Variants in BRDT observed in about 807,000 individuals in gnomAD.
The protein encoded by BRDT is bromodomain testis-specific protein.
In BRDT, 77 loss-of-function variants were observed where a neutral mutation model predicts 113.9. The ratio of observed to expected loss-of-function variants is 0.68; its 90% CI spans 0.56 to 0.82. The LOEUF is 0.82. BRDT is among the 40% of genes least tolerant of loss of function. BRDT has a pLI of 0.00. For synonymous variants in BRDT, 358 were observed against 366.5 expected, an observed-to-expected ratio of 0.98 and a Z score of 0.26; for missense variants, 1,027 against 1,105.4, an observed-to-expected ratio of 0.93 and a Z score of 1.01.
rs780337264 is a variant in BRDT at position 91,979,679 on chromosome 1, T to C, written c.1209T>C (p.Asn403=). 7.4e-5 allele frequency: 119 copies of C among 1,614,074 alleles called. No individual in the cohort carries two copies. The Admixed American group carries it at 1.8e-3, about 24-fold the overall frequency. ...AAACCACTGGTAGAGAGAACACTAATGAAGCCTCCTCTGAAGGGAACTCTT... is the reference window on the plus strand; with the variant it reads ...AAACCACTGGTAGAGAGAACACTAACGAAGCCTCCTCTGAAGGGAACTCTT... ...ITETTGRENT[N]EASSEGNSSD... Residue 403 remains asparagine (N), a synonymous_variant, in exon 8 of 19, where the codon AAT becomes AAC. Transcript: ENST00000399546.
intron 15 of BRDT, among the ~76,000 whole-genome samples, chr1:91,994,724 C>T (rs896514505): frequency 1.3e-5 from 2 of 151,128 alleles, no homozygotes; most frequent in East Asian, 1.9e-4. Context: ...AAAAATTAGC[C>T]GGGCGCAGTG....
chr1:91,955,733 TC>T (rs1170151252), intron 1 of BRDT, among the ~76,000 whole-genome samples: 4 of 152,222 alleles, frequency 2.6e-5, no homozygotes, highest in Non-Finnish European at 5.9e-5. Flanking sequence ...AAATTTTTAG[TC>T]ATATATTGCT....
At chr1:91,979,436 T>C (rs1458318274) in intron 7 of BRDT, 133 bp from the exon 8 acceptor site, 4 of 880,592 alleles carry the variant, frequency 4.5e-6, no homozygotes, top group Non-Finnish European at 6.9e-6. Context: ...AATACGTTTC[T>C]TCTGATATAT....
At chr1:92,007,962 G>T (rs774374920) in intron 18 of BRDT, among the ~76,000 whole-genome samples, 7 of 151,796 alleles carry the variant, frequency 4.6e-5, no homozygotes, top group Non-Finnish European at 1.0e-4. Context: ...TTGTCGCCCA[G>T]CCTGGAATGC....
intron 2 of BRDT, among the ~76,000 whole-genome samples, chr1:91,963,788 CTTT>C (rs57708341): frequency 0.013 from 1,542 of 119,512 alleles, 13 homozygotes; most frequent in African/African-American, 0.022. Context: ...TCTTTATTGG[CTTT>C]TTTTTTTTTT....
intron 18 of BRDT, among the ~76,000 whole-genome samples, chr1:92,010,981 T>C (rs560281060): frequency 3.6e-4 from 54 of 151,424 alleles, no homozygotes; most frequent in Middle Eastern, 3.4e-3. Context: ...TTTTTTTTTT[T>C]CCCAGCAATC....
At chr1:91,972,194 A>G (rs996512) in intron 4 of BRDT, among the ~76,000 whole-genome samples, 148,953 of 152,220 alleles carry the variant, frequency 0.98, 72,943 homozygotes, top group East Asian at 1. Context: ...TGCCTTAGGA[A>G]ACTACTGTGT....
intron 13 of BRDT, 33 bp downstream of exon 13, chr1:91,991,278 A>T (rs1216890720): frequency 7.5e-7 from 1 of 1,324,880 alleles, no homozygotes; most frequent in Non-Finnish European, 1.1e-6. Flanking sequence ...TCTGAATTTT[A>T]AAAGTATGTA....
chr1:91,959,220 G>A (rs1334943342), intron 1 of BRDT, among the ~76,000 whole-genome samples: 1 of 152,072 alleles, frequency 6.6e-6, no homozygotes, highest in South Asian at 2.1e-4. Context: ...AATACTATAT[G>A]TAAAGTTCAA....
intron 16 of BRDT, 27 bp from the exon 17 acceptor site, chr1:92,004,387 A>AT (rs1388675965): frequency 6.4e-7 from 1 of 1,558,572 alleles, no homozygotes. Flanking sequence ...ATCTGTAGAC[A>AT]TAGACTGAAC....
At chr1:92,001,394 A>T (rs1686823364) in intron 15 of BRDT, among the ~76,000 whole-genome samples, 2 of 152,120 alleles carry the variant, frequency 1.3e-5, no homozygotes, top group African/African-American at 4.8e-5. Flanking sequence ...TCCAAAACTC[A>T]TGTTGAAATT....
Position 91,977,248 on chromosome 1 carries a change from A to G in BRDT, c.824A>G (p.His275Arg). ...GTTAAAGTAACTGAACAATTAAGGCACTGTAGTGAGATTCTTAAAGAAATG... is the reference window on the plus strand; with the variant it reads ...GTTAAAGTAACTGAACAATTAAGGCGCTGTAGTGAGATTCTTAAAGAAATG... ...KTVKVTEQLR[H>R]CSEILKEMLA... The change falls in exon 6 of 19, where the codon CAC (histidine) becomes CGC (arginine). Residue 275 changes from histidine to arginine, a missense_variant. His to Arg is a conservative substitution (Grantham distance 29). Coordinates refer to ENST00000399546, the MANE Select transcript of BRDT (RefSeq NM_207189.4). 1 of 1,614,094 alleles carries G rather than the reference A, an allele frequency of 6.2e-7. No homozygotes were observed. Among genetic ancestry groups the G allele is most frequent in the Non-Finnish European group, 8.5e-7 (1 of 1,179,986 alleles).
intron 4 of BRDT, among the ~76,000 whole-genome samples, chr1:91,972,872 T>C (rs928985506): frequency 6.6e-6 from 1 of 152,208 alleles, no homozygotes; most frequent in African/African-American, 2.4e-5. Flanking sequence ...CATTCAAATT[T>C]ACTTAGTTCC....
chr1:92,008,375 A>G (rs562999150), intron 18 of BRDT, among the ~76,000 whole-genome samples: 4 of 151,582 alleles, frequency 2.6e-5, no homozygotes, highest in Non-Finnish European at 4.4e-5. Context: ...TTTTCCATTC[A>G]TAGACTTTTA....
rs747865586 is a variant in BRDT at position 91,977,070 on chromosome 1, G to T, written c.646G>T (p.Asp216Tyr). 1.9e-6 allele frequency: 3 copies of T among 1,608,588 alleles called. No homozygotes were observed. The part of the protein sequence containing the change: ...QVTKGVKRKA[D>Y]TTTPATSAVK... ...TACAAAAGGTGTGAAGAGGAAAGCA[G>T]ATACAACAACTCCTGCAACTTCAGC... Residue 216 changes from aspartate to tyrosine, a missense_variant, in exon 6 of 19, where the codon GAT (aspartate) becomes TAT (tyrosine). Coordinates refer to ENST00000399546, the MANE Select transcript of BRDT (RefSeq NM_207189.4).
chr1:91,956,321 C>G (rs1012754642), intron 1 of BRDT, among the ~76,000 whole-genome samples: 2 of 151,870 alleles, frequency 1.3e-5, no homozygotes, highest in African/African-American at 2.4e-5. Context: ...CCCCCCACCC[C>G]CTGCCTGCTT....
chr1:91,967,640 C>T (rs368540524), intron 3 of BRDT, among the ~76,000 whole-genome samples: 10 of 151,866 alleles, frequency 6.6e-5, no homozygotes, highest in South Asian at 4.2e-4. Context: ...TCAGGTGATC[C>T]GCCCGCTTCG....
chr1:91,954,074 C>G (rs922854358), intron 1 of BRDT, among the ~76,000 whole-genome samples: 10 of 152,070 alleles, frequency 6.6e-5, no homozygotes, highest in Non-Finnish European at 1.3e-4. Context: ...GGGATTCAAG[C>G]AATTCTCCTG....
At chr1:91,978,886 T>C (rs1684413014) in intron 7 of BRDT, among the ~76,000 whole-genome samples, 1 of 150,048 alleles carries the variant, frequency 6.7e-6, no homozygotes, top group Non-Finnish European at 1.5e-5. Flanking sequence ...TAGTCCCAGC[T>C]GCTGGGGGCG....
Sources: allele counts gnomAD v4.1 joint callset (sites outside exome capture counted in the v4.1 genomes callset), GRCh38; gene constraint gnomAD v4.1.1; transcripts MANE v1.5; gene names NCBI Gene and HGNC (gene_info 2026-07-23, HGNC 2026-07-21).